Variants in DGKG observed in about 807,000 individuals in gnomAD.
The protein encoded by DGKG is diacylglycerol kinase gamma.
A neutral mutation model predicts 105.3 loss-of-function variants in DGKG; 78 were observed. The ratio of observed to expected loss-of-function variants is 0.74; its 90% CI spans 0.62 to 0.89. The LOEUF is 0.89. Among genes scored for constraint, DGKG ranks in the 40% least tolerant of loss-of-function variants. The probability of loss-of-function intolerance (pLI) is 0.00; values close to 1 mark genes in which losing one functional copy is unlikely to be tolerated. For synonymous variants in DGKG, 346 were observed against 367.1 expected (o/e 0.94, Z 0.66); for missense variants, 958 against 1,020.1 (o/e 0.94, Z 0.83).
Position 186,224,454 on chromosome 3 carries a change from C to T in DGKG, c.1827-12569G>A, listed in dbSNP as rs368020919. 2.3e-4 allele frequency among the ~76,000 whole-genome samples: 35 copies of T among 152,296 alleles called. No homozygotes were observed. The East Asian group carries it at 3.9e-3, about 17-fold the overall frequency. ...ATTCCTCCAAATGTGTCATTTGCCA[C>T]CATGCCCGCAGGCAGACAGGAGAAA... On this transcript the variant is annotated intron_variant, in intron 20 of 24. Coordinates refer to ENST00000265022, the MANE Select transcript of DGKG (RefSeq NM_001346.3).
At chr3:186,273,357 T>C (rs559012979) in intron 10 of DGKG, among the ~76,000 whole-genome samples, 1 of 148,482 alleles carries the variant, frequency 6.7e-6, no homozygotes, top group Non-Finnish European at 1.5e-5. Flanking sequence ...CTGGGGAGAC[T>C]GTTGTACCCC....
chr3:186,253,628 C>T (rs1439356451), intron 17 of DGKG, among the ~76,000 whole-genome samples: 2 of 152,192 alleles, frequency 1.3e-5, no homozygotes, highest in African/African-American at 4.8e-5. Flanking sequence ...TAGTCTACAA[C>T]CATTCTACCC....
Position 186,284,818 on chromosome 3 carries a change from G to A in DGKG, c.545-109C>T. The A allele has an allele frequency of 1.2e-6, 1 of 858,968 alleles. No homozygotes were observed. Among genetic ancestry groups the A allele is most frequent in the South Asian group, 1.5e-5 (1 of 67,570 alleles). 53.2% of individuals were successfully genotyped at this position (858,968 alleles called of 1,614,324 possible). ...TTAGTTCTGTCACCACTGTGACGAA[G>A]GTTATGGCAGCCAGCTCTCCCTCCC... On this transcript the variant is annotated intron_variant, in intron 6 of 24. Transcript: ENST00000265022. The surrounding 1 kb of genome is among the most constrained non-coding windows in gnomAD (Gnocchi z 4.0).
intron 20 of DGKG, among the ~76,000 whole-genome samples, chr3:186,225,042 CT>C (rs1719782986): frequency 6.6e-6 from 1 of 151,618 alleles, no homozygotes; most frequent in African/African-American, 2.4e-5. Context: ...CTTTGTCCCC[CT>C]GAGTCCCTTT....
chr3:186,259,292 A>G (rs542852100), intron 16 of DGKG, among the ~76,000 whole-genome samples: 3 of 152,264 alleles, frequency 2.0e-5, no homozygotes, highest in African/African-American at 4.8e-5. Context: ...ACTGTCTGCC[A>G]GTTTTGACAG....
chr3:186,198,705 C>A (rs1718300797), intron 21 of DGKG, among the ~76,000 whole-genome samples: 5 of 152,248 alleles, frequency 3.3e-5, no homozygotes, highest in African/African-American at 1.2e-4. Context: ...AGCAAGCTTG[C>A]TCTAGCACAC....
chr3:186,338,805 A>G (rs1725952930), intron 1 of DGKG, among the ~76,000 whole-genome samples: 1 of 152,136 alleles, frequency 6.6e-6, no homozygotes, highest in Middle Eastern at 3.2e-3. Context: ...TTGGTTAGAG[A>G]TGGAGGCTTA....
intron 22 of DGKG, among the ~76,000 whole-genome samples, chr3:186,181,036 G>A (rs1358740865): frequency 6.6e-6 from 1 of 152,236 alleles, no homozygotes; most frequent in East Asian, 1.9e-4. Context: ...TGGTTTGAGT[G>A]CTAGGCTAGT....
Position 186,298,206 on chromosome 3 carries a change from C to T in DGKG, c.168G>A (p.Lys56=). The T allele has an allele frequency of 3.1e-6, 5 of 1,608,778 alleles. No individual in the cohort carries two copies. Among genetic ancestry groups the T allele is most frequent in the Non-Finnish European group, 4.2e-6 (5 of 1,177,790 alleles). The change falls in exon 4 of 25, where the codon AAG becomes AAA. Residue 56 remains lysine, a synonymous_variant. Coordinates refer to ENST00000265022, the MANE Select transcript of DGKG (RefSeq NM_001346.3). Reference sequence around the variant, plus strand: ...CCTCCAGGTACGCCCTCATGAACAGCTTGAAGACATCATAGCTAATCGGCT... The same window carrying T: ...CCTCCAGGTACGCCCTCATGAACAGTTTGAAGACATCATAGCTAATCGGCT... The part of the protein sequence containing the change: ...PHEPISYDVF[K]LFMRAYLEVD...
chr3:186,242,684 T>A, intron 19 of DGKG, 116 bp from the exon 20 acceptor site: 1 of 818,230 alleles, frequency 1.2e-6, no homozygotes, highest in Non-Finnish European at 1.9e-6. Context: ...ACTCTATCTA[T>A]CGCATGGTGG....
At chr3:186,241,068 G>T (rs1720661887) in intron 20 of DGKG, among the ~76,000 whole-genome samples, 2 of 152,102 alleles carry the variant, frequency 1.3e-5, no homozygotes, top group Admixed American at 6.5e-5. Flanking sequence ...TTCCTAAAAG[G>T]TTCGTTCAGC....
intron 1 of DGKG, among the ~76,000 whole-genome samples, chr3:186,323,739 A>G (rs1257818983): frequency 6.6e-6 from 1 of 152,110 alleles, no homozygotes; most frequent in African/African-American, 2.4e-5. Context: ...GATCGAGACC[A>G]TCCTGGCTAA....
chr3:186,148,432 A>G lies in DGKG; in HGVS notation c.*1658T>C, dbSNP rs77607082. On this transcript the variant is annotated 3_prime_UTR_variant, in exon 25 of 25. Transcript: ENST00000265022. ...GACCAACTTCTTTTCCATTCAGGTC[A>G]GAGAGAACCTCTGGGAAGCAGCATG... 1.6e-3 allele frequency: 1,591 copies of G among 985,428 alleles called. 28 individuals carry two copies. In the African/African-American group the frequency reaches 0.026, roughly 16 times the overall value. The allele number at this position is 985,428 out of a possible 1,614,324, so 61.0% of individuals were successfully genotyped here. A position where few individuals can be genotyped will look rare whatever the true frequency, so the allele number is the denominator to read the frequency against.
chr3:186,174,522 C>A (rs527282773), intron 22 of DGKG, among the ~76,000 whole-genome samples: 1 of 152,280 alleles, frequency 6.6e-6, no homozygotes, highest in South Asian at 2.1e-4. Context: ...GAGATTATGA[C>A]CTTGAGAATT....
intron 3 of DGKG, among the ~76,000 whole-genome samples, chr3:186,302,538 GTATATATA>G (rs769000961): frequency 5.7e-5 from 2 of 35,138 alleles, no homozygotes; most frequent in South Asian, 9.0e-4. Context: ...ATATACATAT[GTATATATA>G]TATATATATA....
intron 1 of DGKG, among the ~76,000 whole-genome samples, chr3:186,353,638 A>ATCTATG (rs1726753083): frequency 9.2e-6 from 1 of 108,332 alleles, no homozygotes; most frequent in African/African-American, 3.3e-5. Context: ...CTATATCTAT[A>ATCTATG]TCTATATCTA....
chr3:186,245,615 T>G (rs1000856935), intron 19 of DGKG, among the ~76,000 whole-genome samples: 7 of 152,220 alleles, frequency 4.6e-5, no homozygotes, highest in African/African-American at 1.7e-4. Flanking sequence ...TCCATGGAAG[T>G]GATGATAGCA....
chr3:186,170,425 A>T (rs1716764051), intron 22 of DGKG, among the ~76,000 whole-genome samples: 1 of 152,206 alleles, frequency 6.6e-6, no homozygotes, highest in Non-Finnish European at 1.5e-5. Flanking sequence ...CCAATCAGAC[A>T]GTCTGGAGTT....
At chr3:186,236,826 A>C (rs1473767318) in intron 20 of DGKG, among the ~76,000 whole-genome samples, 1 of 152,230 alleles carries the variant, frequency 6.6e-6, no homozygotes, top group Non-Finnish European at 1.5e-5. Flanking sequence ...CTTCAGCCTC[A>C]ACTGCTGAGA....
Sources: allele counts gnomAD v4.1 joint callset (sites outside exome capture counted in the v4.1 genomes callset), GRCh38; gene constraint gnomAD v4.1.1; non-coding constraint Gnocchi (gnomAD v3.1); transcripts MANE v1.5; gene names NCBI Gene and HGNC (gene_info 2026-07-23, HGNC 2026-07-21).